Variants in TRAPPC9 observed in about 807,000 individuals in gnomAD.
TRAPPC9 encodes the protein IKK2 binding protein.
TRAPPC9 carries 83 observed loss-of-function variants against 124.0 expected under a neutral mutation model. The ratio of observed to expected loss-of-function variants is 0.67; its 90% CI spans 0.56 to 0.80. TRAPPC9 has a LOEUF of 0.80. Among genes scored for constraint, TRAPPC9 ranks in the 30% least tolerant of loss-of-function variants. TRAPPC9 has a pLI of 0.00. For missense variants in TRAPPC9, 1,302 were observed against 1,508.3 expected, an observed-to-expected ratio of 0.86 and a Z score of 2.27; for synonymous variants, 638 against 617.5, an observed-to-expected ratio of 1.03 and a Z score of -0.49.
chr8:140,160,119 T>G (rs1047485447), intron 17 of TRAPPC9, among the ~76,000 whole-genome samples: 1 of 152,176 alleles, frequency 6.6e-6, no homozygotes, highest in South Asian at 2.1e-4. Flanking sequence ...CCAGTTAGAA[T>G]GGTGATCATT....
In TRAPPC9 at chr8:140,104,418, C is replaced by T. The variant is rs1273396864; in HGVS notation, c.2557-80339G>A. Among the ~76,000 whole-genome samples the T allele has an allele frequency of 6.6e-6, 1 of 152,078 alleles. No individual in the cohort carries two copies. Among genetic ancestry groups the T allele is most frequent in the African/African-American group, 2.4e-5 (1 of 41,408 alleles). Reference sequence around the variant, plus strand: ...AGGAATAAAGATGACTGAGACCCTGCGATCTCTGAGATACTCACAGGCCCG... The same window carrying T: ...AGGAATAAAGATGACTGAGACCCTGTGATCTCTGAGATACTCACAGGCCCG... On this transcript the variant is annotated intron_variant, in intron 17 of 22. Coordinates refer to ENST00000438773, the MANE Select transcript of TRAPPC9 (RefSeq NM_001160372.4). This position sits in a 1 kb window ranked among gnomAD's most constrained non-coding sequence, Gnocchi z 4.0.
intron 21 of TRAPPC9, among the ~76,000 whole-genome samples, chr8:139,752,313 AC>A (rs1294687614): frequency 1.4e-5 from 2 of 147,682 alleles, no homozygotes; most frequent in Non-Finnish European, 3.0e-5. Flanking sequence ...CCATCCATCC[AC>A]CCATCTACCA....
intron 21 of TRAPPC9, among the ~76,000 whole-genome samples, chr8:139,870,515 A>G (rs1336959511): frequency 6.6e-6 from 1 of 152,232 alleles, no homozygotes; most frequent in Non-Finnish European, 1.5e-5. Context: ...CATTAGAAAC[A>G]ACCTACGTCC....
At chr8:140,421,320 T>C (rs1265568925) in intron 5 of TRAPPC9, among the ~76,000 whole-genome samples, 1 of 152,202 alleles carries the variant, frequency 6.6e-6, no homozygotes, top group Non-Finnish European at 1.5e-5. Flanking sequence ...GGGCACTAAT[T>C]ACTTTAATGG....
At chr8:139,957,205 G>A (rs1368231705) in intron 19 of TRAPPC9, among the ~76,000 whole-genome samples, 3 of 152,362 alleles carry the variant, frequency 2.0e-5, no homozygotes, top group Non-Finnish European at 4.4e-5. Context: ...GGCCAAGAGG[G>A]TTGCCATGGA....
chr8:140,429,482 T>A (rs1439790299), intron 4 of TRAPPC9, among the ~76,000 whole-genome samples: 1 of 152,208 alleles, frequency 6.6e-6, no homozygotes, highest in African/African-American at 2.4e-5. Flanking sequence ...TCCACATCTG[T>A]AAAACTGGGA....
intron 17 of TRAPPC9, among the ~76,000 whole-genome samples, chr8:140,055,836 C>T (rs1000723525): frequency 4.6e-5 from 7 of 151,850 alleles, no homozygotes; most frequent in African/African-American, 9.7e-5. Flanking sequence ...TACAAAATAT[C>T]GATGAACAAA....
At chr8:140,211,919 G>A (rs1563849923) in intron 17 of TRAPPC9, among the ~76,000 whole-genome samples, 1 of 152,234 alleles carries the variant, frequency 6.6e-6, no homozygotes, top group Non-Finnish European at 1.5e-5. Context: ...AACAGTGTGG[G>A]AGGTGCTACC....
intron 17 of TRAPPC9, among the ~76,000 whole-genome samples, chr8:140,024,663 C>CTGGGATGACAGGCGTG (rs1382051935): frequency 1.4e-4 from 21 of 152,158 alleles, no homozygotes; most frequent in South Asian, 8.3e-4. Context: ...TCCCAAGGTG[C>CTGGGATGACAGGCGTG]TGGGATGACA....
chr8:140,443,633 G>C (rs2071127163), intron 2 of TRAPPC9, among the ~76,000 whole-genome samples: 1 of 152,038 alleles, frequency 6.6e-6, no homozygotes, highest in Admixed American at 6.6e-5. Flanking sequence ...GGGCGCAGTG[G>C]CTCACACCTG....
chr8:140,387,905 C>T (rs976842728), intron 7 of TRAPPC9, among the ~76,000 whole-genome samples: 1 of 152,066 alleles, frequency 6.6e-6, no homozygotes, highest in Non-Finnish European at 1.5e-5. Context: ...AGTCATGCTG[C>T]TATAAAGACA....
intron 21 of TRAPPC9, among the ~76,000 whole-genome samples, chr8:139,879,018 C>A (rs1270450551): frequency 1.3e-5 from 2 of 152,228 alleles, no homozygotes; most frequent in African/African-American, 4.8e-5. Context: ...TGAGCCTGCT[C>A]CAAGTCAGAG....
intron 10 of TRAPPC9, among the ~76,000 whole-genome samples, chr8:140,301,347 T>C (rs1039694932): frequency 2.6e-5 from 4 of 152,248 alleles, no homozygotes; most frequent in African/African-American, 9.6e-5. Context: ...GCAGGCACTG[T>C]GCTAACCACT....
intron 17 of TRAPPC9, among the ~76,000 whole-genome samples, chr8:140,033,685 T>TTTTTTTTTTTTTTTTG (rs1840687348): frequency 8.5e-6 from 1 of 117,350 alleles, no homozygotes; most frequent in Non-Finnish European, 1.7e-5. Context: ...TTTTTTTTTT[T>TTTTTTTTTTTTTTTTG]TTTTTTTTTT....
chr8:140,282,338 A>T (rs1032435443), intron 14 of TRAPPC9, among the ~76,000 whole-genome samples: 4 of 152,210 alleles, frequency 2.6e-5, no homozygotes, highest in South Asian at 2.1e-4. Context: ...TCCCATCTCT[A>T]CTAAAAACAC....
rs1554419367 is a variant in TRAPPC9 at position 139,947,924 on chromosome 8, C to CGAGAGAGAGAGCGAGAGAGA, written c.2811-37625_2811-37624insTCTCTCTCGCTCTCTCTCTC. 7.2e-5 allele frequency among the ~76,000 whole-genome samples: 6 copies of CGAGAGAGAGAGCGAGAGAGA among 83,470 alleles called. No individual in the cohort carries two copies. In the East Asian group the frequency reaches 1.8e-3, roughly 25 times the overall value. 54.8% of individuals were successfully genotyped at this position (83,470 alleles called of 152,430 possible). A position where few individuals can be genotyped will look rare whatever the true frequency, so the allele number is the denominator to read the frequency against. On this transcript the variant is annotated intron_variant, in intron 19 of 22. Coordinates refer to ENST00000438773, the MANE Select transcript of TRAPPC9 (RefSeq NM_001160372.4). ...TATATATATAGAGAGAGAGAGAGAG[C>CGAGAGAGAGAGCGAGAGAGA]GAGAGAGAGAGAGAGAGAGAGTATA...
intron 20 of TRAPPC9, among the ~76,000 whole-genome samples, chr8:139,902,107 C>T (rs79419333): frequency 2.0e-5 from 3 of 152,304 alleles, no homozygotes; most frequent in East Asian, 1.9e-4. Flanking sequence ...ACACAACACA[C>T]GTCGATCCGT....
At chr8:139,960,274 C>G (rs1020883972) in intron 19 of TRAPPC9, among the ~76,000 whole-genome samples, 2 of 152,210 alleles carry the variant, frequency 1.3e-5, no homozygotes, top group African/African-American at 4.8e-5. Flanking sequence ...CTGACCACCA[C>G]TGAACCTCCC....
chr8:140,077,530 A>T (rs932054562), intron 17 of TRAPPC9, among the ~76,000 whole-genome samples: 1 of 152,024 alleles, frequency 6.6e-6, no homozygotes, highest in Admixed American at 6.6e-5. Context: ...CCCAGGGCTG[A>T]GGCAGCCCAG....
Sources: gnomAD v4.1 joint callset for allele counts (sites outside exome capture counted in the v4.1 genomes callset) on GRCh38, gnomAD v4.1.1 for gene constraint, Gnocchi (gnomAD v3.1) non-coding constraint, MANE v1.5 for transcripts, NCBI Gene and HGNC (gene_info 2026-07-23, HGNC 2026-07-21) for gene names.